Variants in TLE1 observed in about 807,000 individuals in gnomAD.
The protein encoded by TLE1 is TLE family member 1, transcriptional corepressor, also known as transducin-like enhancer protein 1.
TLE1 carries 21 observed loss-of-function variants against 89.8 expected under a neutral mutation model. That is an observed-to-expected ratio of 0.23 (90% CI 0.17 to 0.34). The LOEUF (loss-of-function observed/expected upper bound fraction) is 0.34. Among genes scored for constraint, TLE1 ranks in the 10% least tolerant of loss-of-function variants. TLE1 has a pLI of 1.00. For synonymous variants in TLE1, 447 were observed against 407.6 expected, an observed-to-expected ratio of 1.10 and a Z score of -1.16; for missense variants, 795 against 1,031.2, an observed-to-expected ratio of 0.77 and a Z score of 3.14.
chr9:81,652,278 T>G lies in TLE1; in HGVS notation c.308A>C (p.Gln103Pro). 6.2e-7 allele frequency: 1 copy of G among 1,613,552 alleles called. No homozygotes were observed. The highest frequency in any genetic ancestry group is 8.5e-7 in the Non-Finnish European group (1 of 1,179,628). Reference protein sequence around the residue: ...IPFLSQEHQQQVAQAVERAKQ... With the variant: ...IPFLSQEHQQPVAQAVERAKQ... ...GGCACGTTCAACAGCCTGGGCCACC[T>G]GTTGTTGATGCTTTGAAAACAAGGA... Residue 103 changes from glutamine to proline, a missense_variant, in exon 6 of 20, where the codon CAG becomes CCG. This residue lies in a region of TLE1 where 66 missense variants were observed against 118.7 expected (regional missense o/e 0.56). Transcript: ENST00000376499.
At chr9:81,647,602 T>C (rs1829013930) in intron 6 of TLE1, among the ~76,000 whole-genome samples, 1 of 152,182 alleles carries the variant, frequency 6.6e-6, no homozygotes, top group Non-Finnish European at 1.5e-5. Context: ...CCCACAGATC[T>C]GCTACAAGCA....
intron 4 of TLE1, among the ~76,000 whole-genome samples, chr9:81,656,422 C>G (rs531612815): frequency 6.6e-6 from 1 of 152,326 alleles, no homozygotes; most frequent in Admixed American, 6.5e-5. Flanking sequence ...CGGAAATTCA[C>G]ATTGAAGGTT....
chr9:81,686,395 T>C (rs1304546380), intron 2 of TLE1, among the ~76,000 whole-genome samples: 1 of 152,206 alleles, frequency 6.6e-6, no homozygotes, highest in Non-Finnish European at 1.5e-5. Context: ...GTCAAGTAGC[T>C]ACTGCAATAA....
chr9:81,687,781 C>T (rs755874746), intron 1 of TLE1, among the ~76,000 whole-genome samples: 1 of 152,050 alleles, frequency 6.6e-6, no homozygotes, highest in Non-Finnish European at 1.5e-5. Flanking sequence ...CGATAATGAC[C>T]CCGGGGACCA....
At chr9:81,627,431 T>A (rs1822053634) in intron 8 of TLE1, among the ~76,000 whole-genome samples, 1 of 152,070 alleles carries the variant, frequency 6.6e-6, no homozygotes, top group Admixed American at 6.5e-5. Context: ...ACTTATTGCA[T>A]CCACAGTAAA....
chr9:81,645,337 C>T (rs1240226386), intron 6 of TLE1, among the ~76,000 whole-genome samples: 2 of 150,520 alleles, frequency 1.3e-5, no homozygotes, highest in African/African-American at 4.9e-5. Context: ...TGCACTCCAG[C>T]CTGGGCAACA....
At chr9:81,673,539 C>A (rs967336786) in intron 4 of TLE1, among the ~76,000 whole-genome samples, 3 of 152,068 alleles carry the variant, frequency 2.0e-5, no homozygotes, top group South Asian at 4.1e-4. Flanking sequence ...CGCCCCCATG[C>A]CAGGAAACTA....
At chr9:81,595,814 C>CAAAAA in intron 14 of TLE1, among the ~76,000 whole-genome samples, 1 of 106,662 alleles carries the variant, frequency 9.4e-6, no homozygotes, top group Non-Finnish European at 1.9e-5. Context: ...GACTCTGTCT[C>CAAAAA]AAAAAAAAAA....
chr9:81,688,208 G>A lies in TLE1; in HGVS notation c.24+9C>T. 6.9e-6 allele frequency: 11 copies of A among 1,597,470 alleles called. No homozygotes were observed. Among genetic ancestry groups the A allele is most frequent in the Non-Finnish European group, 8.5e-6 (10 of 1,172,046 alleles). On this transcript the variant is annotated intron_variant, in intron 1 of 19. Coordinates refer to ENST00000376499, the MANE Select transcript of TLE1 (RefSeq NM_005077.5). ...CCTGGCCCCCCACCACCACCCAGCC[G>A]CGCCTCACCGGGTGCCGGCTCTGCG... is the stretch of plus-strand genomic sequence containing the variant.
intron 14 of TLE1, among the ~76,000 whole-genome samples, chr9:81,602,995 T>A (rs1587920747): frequency 6.6e-6 from 1 of 152,224 alleles, no homozygotes; most frequent in East Asian, 1.9e-4. Flanking sequence ...GGGAAACCCA[T>A]CTTGTCATCT....
intron 6 of TLE1, among the ~76,000 whole-genome samples, chr9:81,636,729 G>A (rs927108304): frequency 1.3e-5 from 2 of 152,138 alleles, no homozygotes; most frequent in Admixed American, 6.5e-5. Context: ...TTCCGGCCAG[G>A]CACAGTGGCT....
At chr9:81,598,320 C>T (rs918757311) in intron 14 of TLE1, among the ~76,000 whole-genome samples, 1 of 152,106 alleles carries the variant, frequency 6.6e-6, no homozygotes, top group African/African-American at 2.4e-5. Flanking sequence ...TTCCCTCCCG[C>T]TAGAACAGCA....
At chr9:81,638,128 C>A (rs142777294) in intron 6 of TLE1, among the ~76,000 whole-genome samples, 3 of 152,314 alleles carry the variant, frequency 2.0e-5, no homozygotes, top group Non-Finnish European at 4.4e-5. Context: ...AGAGACAAAT[C>A]CACCCTCACC....
chr9:81,641,484 G>C (rs1009491676), intron 6 of TLE1, among the ~76,000 whole-genome samples: 2 of 152,140 alleles, frequency 1.3e-5, no homozygotes, highest in Non-Finnish European at 2.9e-5. Context: ...GGAGCACACA[G>C]AAAATGATGC....
chr9:81,583,978 T>A lies in TLE1; in HGVS notation c.*220A>T, dbSNP rs1489693017. 1.9e-6 allele frequency: 1 copy of A among 538,762 alleles called. No homozygotes were observed. Among genetic ancestry groups the A allele is most frequent in the African/African-American group, 1.9e-5 (1 of 52,786 alleles). The allele number at this position is 538,762 out of a possible 1,614,324, so 33.4% of individuals were successfully genotyped here. Reference sequence around the variant, plus strand: ...AATCCTACAACCCATGGCCCCTCTGTCCGCTTGGCCTTGGTGCTCCATTTG... The same window carrying A: ...AATCCTACAACCCATGGCCCCTCTGACCGCTTGGCCTTGGTGCTCCATTTG... On this transcript the variant is annotated 3_prime_UTR_variant, in exon 20 of 20. Transcript: ENST00000376499.
At chr9:81,656,157 T>A (rs920224063) in intron 4 of TLE1, among the ~76,000 whole-genome samples, 5 of 152,200 alleles carry the variant, frequency 3.3e-5, no homozygotes, top group Non-Finnish European at 7.3e-5. Flanking sequence ...AGGGTGCAGC[T>A]GTACCAGGTA....
intron 14 of TLE1, among the ~76,000 whole-genome samples, chr9:81,594,663 T>C (rs113029067): frequency 1.8e-4 from 28 of 152,324 alleles, no homozygotes; most frequent in African/African-American, 6.0e-4. Flanking sequence ...TATGCACTGC[T>C]TCCTCCTTCC....
At chr9:81,602,657 G>A (rs549214508) in intron 14 of TLE1, among the ~76,000 whole-genome samples, 19 of 152,238 alleles carry the variant, frequency 1.2e-4, no homozygotes, top group Middle Eastern at 3.4e-3. Flanking sequence ...GAATTAAGAT[G>A]CTCAATCTGT....
In TLE1 at chr9:81,685,847, T is replaced by G. The variant is rs778473115; in HGVS notation, c.175A>C (p.Arg59=). 1.2e-5 allele frequency: 20 copies of G among 1,613,902 alleles called. No individual in the cohort carries two copies. In the South Asian group the frequency reaches 2.2e-4, roughly 18 times the overall value. Residue 59 remains arginine (R), a synonymous_variant, in exon 3 of 20, where the codon AGG becomes CGG. Coordinates refer to ENST00000376499, the MANE Select transcript of TLE1 (RefSeq NM_005077.5). ...TTGATACCTACCATCACATAGTGCC[T>G]CTGCATTTCTGTCTTTTCACTTGCC... ...KLASEKTEMQ[R]HYVMYYEMSY... is the part of the protein sequence containing the mutation.
Sources: gnomAD v4.1 joint callset for allele counts (sites outside exome capture counted in the v4.1 genomes callset) on GRCh38, gnomAD v4.1.1 for gene constraint, gnomAD v4.1.1 regional missense constraint, MANE v1.5 for transcripts, NCBI Gene and HGNC (gene_info 2026-07-23, HGNC 2026-07-21) for gene names.